Variants in SIRT1 observed in about 807,000 individuals in gnomAD.
SIRT1 encodes sirtuin 1.
In SIRT1, 24 loss-of-function variants were observed where a neutral mutation model predicts 67.9. That is an observed-to-expected ratio of 0.35 (90% CI 0.26 to 0.50). SIRT1 has a LOEUF of 0.50. SIRT1 is among the 20% of genes least tolerant of loss of function. The pLI is 0.98. For synonymous variants in SIRT1, 378 were observed against 350.7 expected (o/e 1.08, Z -0.87); for missense variants, 873 against 937.2 (o/e 0.93, Z 0.89).
intron 4 of SIRT1, among the ~76,000 whole-genome samples, chr10:67,892,658 A>G (rs7075943): frequency 0.11 from 16,857 of 151,556 alleles, 966 homozygotes; most frequent in South Asian, 0.15. Flanking sequence ...CTGGAGTGCA[A>G]TGGCATGATC....
At chr10:67,901,960 A>G (rs557077630) in intron 4 of SIRT1, among the ~76,000 whole-genome samples, 54 of 151,804 alleles carry the variant, frequency 3.6e-4, no homozygotes, top group Admixed American at 7.9e-4. Flanking sequence ...TGTACTCTTA[A>G]TAATTTTCAG....
At chr10:67,904,147 T>A (rs1427474106) in intron 4 of SIRT1, among the ~76,000 whole-genome samples, 12 of 140,226 alleles carry the variant, frequency 8.6e-5, no homozygotes, top group Admixed American at 2.2e-4. Flanking sequence ...TTTTTTTTTT[T>A]AAAGGCTCTC....
rs1308313045 is a variant in SIRT1, at chr10:67,916,640, C to T, written c.*47C>T. ...GGAATTGTTCCACCAGCATTAGGAA[C>T]TTTAGCATGTCAAAATGAATGTTTA... On this transcript the variant is annotated 3_prime_UTR_variant, in exon 9 of 9. Transcript: ENST00000212015. 2 of 1,476,142 alleles carry T rather than the reference C, an allele frequency of 1.4e-6. No homozygotes were observed. The highest frequency in any genetic ancestry group is 2.0e-5 in the Admixed American group (1 of 51,266). 91.4% of individuals were successfully genotyped at this position (1,476,142 alleles called of 1,614,324 possible). A position where few individuals can be genotyped will look rare whatever the true frequency, so the allele number is the denominator to read the frequency against.
chr10:67,908,195 T>C (rs1842849340), intron 6 of SIRT1, 70 bp downstream of exon 6: 3 of 1,278,252 alleles, frequency 2.3e-6, no homozygotes, highest in East Asian at 2.3e-5. Flanking sequence ...CTCAAAATCC[T>C]TTTTTACCCC....
At chr10:67,909,655 A>G (rs1354493600) in intron 7 of SIRT1, among the ~76,000 whole-genome samples, 1 of 151,316 alleles carries the variant, frequency 6.6e-6, no homozygotes, top group Non-Finnish European at 1.5e-5. Flanking sequence ...GCTCACTGCA[A>G]CCTCCGCCTC....
At chr10:67,897,851 A>C (rs944740218) in intron 4 of SIRT1, among the ~76,000 whole-genome samples, 1 of 151,932 alleles carries the variant, frequency 6.6e-6, no homozygotes, top group African/African-American at 2.4e-5. Context: ...AGTTGTGGTC[A>C]TGGTTCTCAG....
intron 8 of SIRT1, 152 bp downstream of exon 8, chr10:67,913,183 CTTCT>C: frequency 1.3e-6 from 1 of 759,926 alleles, no homozygotes; most frequent in Non-Finnish European, 2.0e-6. Context: ...AAAGGTAAAT[CTTCT>C]GGTATCTTAA....
At chr10:67,904,134 T>G (rs1444993082) in intron 4 of SIRT1, among the ~76,000 whole-genome samples, 17 of 149,778 alleles carry the variant, frequency 1.1e-4, no homozygotes, top group Non-Finnish European at 1.3e-4. Context: ...TTTGTTTTTT[T>G]TTTTTTTTTT....
intron 4 of SIRT1, among the ~76,000 whole-genome samples, chr10:67,906,571 TC>T (rs1386989954): frequency 6.6e-6 from 1 of 152,208 alleles, no homozygotes; most frequent in African/African-American, 2.4e-5. Flanking sequence ...TTTGTCTTTT[TC>T]TTCAAGGGGC....
chr10:67,916,544 C>T lies in SIRT1; in HGVS notation c.2195C>T (p.Ser732Phe), dbSNP rs1486696314. ...DDQEAINEAI[S>F]VKQEVTDMNY... is the part of the protein sequence containing the mutation. ...CAAGAGGCAATTAATGAAGCTATAT[C>T]TGTGAAACAGGAAGTAACAGACATG... Residue 732 changes from serine to phenylalanine, a missense_variant, in exon 9 of 9, where the codon TCT (serine) becomes TTT (phenylalanine). Physicochemically the swap from Ser to Phe is radical, Grantham distance 155 (BLOSUM62 -2). Coordinates refer to ENST00000212015, the MANE Select transcript of SIRT1 (RefSeq NM_012238.5). 1 of 1,614,066 alleles carries T rather than the reference C, an allele frequency of 6.2e-7. No individual in the cohort carries two copies. Among genetic ancestry groups the T allele is most frequent in the Non-Finnish European group, 8.5e-7 (1 of 1,179,980 alleles).
chr10:67,905,887 A>G (rs1842814188), intron 4 of SIRT1, among the ~76,000 whole-genome samples: 1 of 152,164 alleles, frequency 6.6e-6, no homozygotes, highest in Non-Finnish European at 1.5e-5. Context: ...TGGATGTACC[A>G]TATTTATACA....
intron 4 of SIRT1, among the ~76,000 whole-genome samples, chr10:67,900,302 C>T (rs183037749): frequency 6.6e-6 from 1 of 151,992 alleles, no homozygotes; most frequent in Non-Finnish European, 1.5e-5. Flanking sequence ...TGTGCCACCA[C>T]GCCCAGCTAA....
chr10:67,893,323 G>A (rs146776266), intron 4 of SIRT1, among the ~76,000 whole-genome samples: 1 of 152,022 alleles, frequency 6.6e-6, no homozygotes, highest in Non-Finnish European at 1.5e-5. Flanking sequence ...ACAGGCCTCT[G>A]TGTGTGGTGT....
At position 67,916,290 on chromosome 10, in the gene SIRT1, A is replaced by T. The variant is rs1308835659; in HGVS notation, c.1941A>T (p.Pro647=). 6.3e-7 allele frequency: 1 copy of T among 1,599,310 alleles called. No individual in the cohort carries two copies. Among genetic ancestry groups the T allele is most frequent in the Middle Eastern group, 1.7e-4 (1 of 6,006 alleles). The change falls in exon 9 of 9, where the codon CCA becomes CCT. Residue 647 remains proline, a synonymous_variant. Coordinates refer to ENST00000212015, the MANE Select transcript of SIRT1 (RefSeq NM_012238.5). ...GTAATCAGTATCTGTTTTTGCCACC[A>T]AATCGTTACATTTTCCATGGCGCTG... The part of the protein sequence containing the change: ...LDGNQYLFLP[P]NRYIFHGAEV...
intron 4 of SIRT1, 47 bp downstream of exon 4, chr10:67,891,601 A>G (rs1007754810): frequency 5.0e-6 from 8 of 1,597,296 alleles, no homozygotes; most frequent in African/African-American, 1.3e-5. Flanking sequence ...TCTCATGAAA[A>G]AGTATTTTGT....
chr10:67,886,966 G>T (rs911124598), intron 1 of SIRT1, among the ~76,000 whole-genome samples: 1 of 151,856 alleles, frequency 6.6e-6, no homozygotes, highest in Admixed American at 6.6e-5. Flanking sequence ...CCGCTTCCCG[G>T]GTTCAAGCCA....
chr10:67,907,903 G>C, intron 5 of SIRT1, 143 bp from the exon 6 acceptor site: 2 of 612,064 alleles, frequency 3.3e-6, no homozygotes, highest in Non-Finnish European at 2.8e-6. Context: ...TGTGTTCTGA[G>C]GTTTAAAATC....
At chr10:67,890,794 G>A (rs1261585870) in intron 3 of SIRT1, among the ~76,000 whole-genome samples, 4 of 151,868 alleles carry the variant, frequency 2.6e-5, no homozygotes, top group Admixed American at 6.6e-5. Flanking sequence ...ACTTTGGGAG[G>A]CTGAGGCCTG....
chr10:67,900,618 G>GTT (rs34037379), intron 4 of SIRT1, among the ~76,000 whole-genome samples: 4 of 151,360 alleles, frequency 2.6e-5, no homozygotes, highest in African/African-American at 4.9e-5. Context: ...CTGTTTCTTT[G>GTT]TTTTTTTTAT....
Sources: gnomAD v4.1 joint callset for allele counts (sites outside exome capture counted in the v4.1 genomes callset) on GRCh38, gnomAD v4.1.1 for gene constraint, MANE v1.5 for transcripts, NCBI Gene and HGNC (gene_info 2026-07-23, HGNC 2026-07-21) for gene names.